Variants in MEF2C observed in about 807,000 individuals in gnomAD.
The protein encoded by MEF2C is myocyte-specific enhancer factor 2C.
In MEF2C, 6 loss-of-function variants were observed where a neutral mutation model predicts 50.5. The observed-to-expected ratio is 0.12, with a 90% CI of 0.07 to 0.23. The LOEUF (loss-of-function observed/expected upper bound fraction) is 0.23. Among genes scored for constraint, MEF2C ranks in the 10% least tolerant of loss-of-function variants. The pLI is 1.00. For missense variants in MEF2C, 276 were observed against 605.0 expected, an observed-to-expected ratio of 0.46 and a Z score of 5.70; for synonymous variants, 183 against 228.0, an observed-to-expected ratio of 0.80 and a Z score of 1.78.
chr5:88,886,437 T>A (rs923313766), upstream of MEF2C, among the ~76,000 whole-genome samples: 20 of 152,206 alleles, frequency 1.3e-4, no homozygotes, highest in African/African-American at 4.8e-4. Context: ...ACCTGGATTC[T>A]CTATCTAGTT....
intron 1 of MEF2C, among the ~76,000 whole-genome samples, chr5:88,891,981 A>T (rs1446890304): frequency 3.3e-5 from 5 of 151,890 alleles, no homozygotes; most frequent in African/African-American, 9.7e-5. Flanking sequence ...TCCAAATAAG[A>T]GTACTTATGA....
chr5:88,855,546 C>T (rs192673449), intron 1 of MEF2C, among the ~76,000 whole-genome samples: 1 of 152,182 alleles, frequency 6.6e-6, no homozygotes. Context: ...TGTCCCCACC[C>T]AAATCTCATC....
intron 3 of MEF2C, among the ~76,000 whole-genome samples, chr5:88,774,842 C>T (rs531727118): frequency 6.6e-6 from 1 of 152,226 alleles, no homozygotes; most frequent in Admixed American, 6.5e-5. Flanking sequence ...TTTCTCAAGG[C>T]TTCTGCTGCA....
intron 3 of MEF2C, among the ~76,000 whole-genome samples, chr5:88,776,292 G>A (rs1156593879): frequency 6.6e-6 from 1 of 152,008 alleles, no homozygotes; most frequent in Non-Finnish European, 1.5e-5. Context: ...ATACAATGTG[G>A]CATGATTAAA....
intron 4 of MEF2C, among the ~76,000 whole-genome samples, chr5:88,754,614 G>T (rs542969448): frequency 1.2e-3 from 180 of 152,300 alleles, no homozygotes; most frequent in Non-Finnish European, 2.3e-3. Context: ...CAAAATGACT[G>T]GAGGGTGTGA....
chr5:88,799,883 C>A (rs1399304287), intron 3 of MEF2C, among the ~76,000 whole-genome samples: 1 of 89,554 alleles, frequency 1.1e-5, no homozygotes, highest in African/African-American at 3.4e-5. Flanking sequence ...CACACACACA[C>A]ACACACACAC....
chr5:88,838,725 T>A (rs1337526948), intron 1 of MEF2C: 7 of 985,116 alleles, frequency 7.1e-6, no homozygotes, highest in Non-Finnish European at 8.4e-6. Flanking sequence ...CCCTTGCCAC[T>A]CCTCTTTTTC....
intron 3 of MEF2C, among the ~76,000 whole-genome samples, chr5:88,783,311 C>G (rs1157028167): frequency 2.0e-5 from 3 of 152,136 alleles, no homozygotes; most frequent in Non-Finnish European, 4.4e-5. Flanking sequence ...TTATTAACCT[C>G]TATTTACAGA....
intron 3 of MEF2C, among the ~76,000 whole-genome samples, chr5:88,773,774 G>A (rs537664497): frequency 1.3e-5 from 2 of 152,294 alleles, no homozygotes; most frequent in South Asian, 2.1e-4. Context: ...AACCTCTCTC[G>A]CGTTTTAGTC....
At chr5:88,769,157 A>G (rs565921396) in intron 3 of MEF2C, among the ~76,000 whole-genome samples, 2 of 152,338 alleles carry the variant, frequency 1.3e-5, no homozygotes, top group South Asian at 4.1e-4. Context: ...TGTAGGAAAG[A>G]GCACAGGGAA....
At chr5:88,780,172 AAAAAACG>A (rs1405005338) in intron 3 of MEF2C, among the ~76,000 whole-genome samples, 8 of 152,090 alleles carry the variant, frequency 5.3e-5, no homozygotes, top group Admixed American at 4.6e-4. Flanking sequence ...AAGAAAAAAG[AAAAAACG>A]AAAAACTACA....
intron 1 of MEF2C, among the ~76,000 whole-genome samples, chr5:88,834,817 G>A (rs943881915): frequency 6.6e-6 from 1 of 152,102 alleles, no homozygotes; most frequent in South Asian, 2.1e-4. Flanking sequence ...TATAGAGTGG[G>A]AATAGTAACA....
At chr5:88,875,866 G>A (rs1355996023) in intron 1 of MEF2C, among the ~76,000 whole-genome samples, 2 of 151,806 alleles carry the variant, frequency 1.3e-5, no homozygotes. Context: ...ACAGTATCTG[G>A]TCTGCAGCCA....
At chr5:88,857,364 A>G (rs928445223) in intron 1 of MEF2C, among the ~76,000 whole-genome samples, 2 of 152,170 alleles carry the variant, frequency 1.3e-5, no homozygotes, top group Admixed American at 6.5e-5. Context: ...TGCTTTTGAT[A>G]GGTGGAAGGG....
intron 3 of MEF2C, among the ~76,000 whole-genome samples, chr5:88,771,241 G>A (rs888857533): frequency 9.2e-5 from 14 of 152,182 alleles, no homozygotes; most frequent in East Asian, 1.9e-4. Flanking sequence ...AAACTATATC[G>A]CTGGGTTTTG....
At chr5:88,801,556 G>A (rs918751123) in intron 3 of MEF2C, among the ~76,000 whole-genome samples, 2 of 151,106 alleles carry the variant, frequency 1.3e-5, no homozygotes, top group African/African-American at 2.4e-5. Flanking sequence ...GCAGTGGCGC[G>A]ATCTCGGCTT....
chr5:88,863,920 C>T (rs1826372724), intron 1 of MEF2C, among the ~76,000 whole-genome samples: 1 of 151,060 alleles, frequency 6.6e-6, no homozygotes, highest in Non-Finnish European at 1.5e-5. Flanking sequence ...CTCCCAGGTT[C>T]AAGTGATTCT....
intron 3 of MEF2C, among the ~76,000 whole-genome samples, chr5:88,765,587 T>A (rs1779702075): frequency 6.6e-6 from 1 of 152,228 alleles, no homozygotes; most frequent in Non-Finnish European, 1.5e-5. Flanking sequence ...ATAAGCATTA[T>A]TCCTTCGGGC....
chr5:88,876,265 G>C (rs1455533326), intron 1 of MEF2C, among the ~76,000 whole-genome samples: 1 of 151,822 alleles, frequency 6.6e-6, no homozygotes, highest in East Asian at 1.9e-4. Flanking sequence ...CTTAAAATGT[G>C]TGTTCTTCTG....
Sources: gnomAD v4.1 joint callset for allele counts (sites outside exome capture counted in the v4.1 genomes callset) on GRCh38, gnomAD v4.1.1 for gene constraint, MANE v1.5 for transcripts, NCBI Gene and HGNC (gene_info 2026-07-23, HGNC 2026-07-21) for gene names.